The following GRIN2A variants were observed in gnomAD, a reference collection of about 807,000 sequenced individuals.
The protein encoded by GRIN2A is glutamate receptor ionotropic, NMDA 2A.
Under a neutral mutation model 113.4 loss-of-function variants are expected in GRIN2A, and 22 were observed. The observed-to-expected ratio is 0.19, with a 90% confidence interval of 0.14 to 0.28. The LOEUF (loss-of-function observed/expected upper bound fraction) is 0.28. GRIN2A is among the 10% of genes least tolerant of loss of function. GRIN2A has a pLI of 1.00. For synonymous variants in GRIN2A, 827 were observed against 738.4 expected (o/e 1.12, Z -1.94); for missense variants, 1,502 against 1,887.0 (o/e 0.80, Z 3.78).
intron 2 of GRIN2A, among the ~76,000 whole-genome samples, chr16:10,174,147 A>G (rs1406358582): frequency 6.6e-6 from 1 of 152,210 alleles, no homozygotes; most frequent in Non-Finnish European, 1.5e-5. Context: ...ATCCAGGGAA[A>G]AAGGGGAAGA....
chr16:9,790,718 T>C (rs1195233568), intron 11 of GRIN2A, among the ~76,000 whole-genome samples: 1 of 152,204 alleles, frequency 6.6e-6, no homozygotes, highest in Non-Finnish European at 1.5e-5. Context: ...AGGTATCTAG[T>C]GTCCTTTCTA....
At chr16:9,923,726 C>T (rs1300778741) in intron 3 of GRIN2A, among the ~76,000 whole-genome samples, 1 of 152,068 alleles carries the variant, frequency 6.6e-6, no homozygotes, top group African/African-American at 2.4e-5. Flanking sequence ...AATCTTTGTG[C>T]TATTGTTGTC....
chr16:10,013,215 T>C (rs766656088), intron 2 of GRIN2A, among the ~76,000 whole-genome samples: 4 of 152,212 alleles, frequency 2.6e-5, no homozygotes, highest in Non-Finnish European at 4.4e-5. Context: ...TGAATACTCA[T>C]TGGATTTTTA....
At chr16:9,825,206 G>A (rs139675496) in intron 9 of GRIN2A, among the ~76,000 whole-genome samples, 3 of 152,276 alleles carry the variant, frequency 2.0e-5, no homozygotes, top group South Asian at 2.1e-4. Flanking sequence ...TAGAAACTGC[G>A]CCATTTGGAG....
chr16:10,092,671 C>T (rs927346534), intron 2 of GRIN2A, among the ~76,000 whole-genome samples: 4 of 152,076 alleles, frequency 2.6e-5, no homozygotes, highest in African/African-American at 9.7e-5. Context: ...TCCCTTTTAA[C>T]AAATAAGTAA....
At chr16:10,086,987 G>A (rs2048097860) in intron 2 of GRIN2A, among the ~76,000 whole-genome samples, 1 of 152,180 alleles carries the variant, frequency 6.6e-6, no homozygotes, top group South Asian at 2.1e-4. Flanking sequence ...TAAGAAAACT[G>A]GTGTGTGTGG....
intron 2 of GRIN2A, among the ~76,000 whole-genome samples, chr16:10,040,461 A>G (rs1364096055): frequency 6.7e-6 from 1 of 149,606 alleles, no homozygotes; most frequent in Non-Finnish European, 1.5e-5. Context: ...ATATAAATCC[A>G]CGCCACACAC....
chr16:10,168,944 G>A (rs185827955), intron 2 of GRIN2A, among the ~76,000 whole-genome samples: 422 of 150,092 alleles, frequency 2.8e-3, no homozygotes, highest in African/African-American at 7.9e-3. Flanking sequence ...CAGCCTGGGC[G>A]ACAAGAGCAA....
chr16:9,928,269 T>C (rs991416618), intron 3 of GRIN2A, among the ~76,000 whole-genome samples: 1 of 152,222 alleles, frequency 6.6e-6, no homozygotes, highest in Non-Finnish European at 1.5e-5. Context: ...AGGCCCGTTC[T>C]GCCTCTCTTG....
At chr16:10,120,023 G>A (rs2048804869) in intron 2 of GRIN2A, among the ~76,000 whole-genome samples, 1 of 152,122 alleles carries the variant, frequency 6.6e-6, no homozygotes, top group Non-Finnish European at 1.5e-5. Flanking sequence ...TTGCTATTGT[G>A]AATAGGGCTG....
At chr16:9,906,184 T>C (rs951584702) in intron 3 of GRIN2A, among the ~76,000 whole-genome samples, 1 of 152,226 alleles carries the variant, frequency 6.6e-6, no homozygotes, top group Non-Finnish European at 1.5e-5. Flanking sequence ...GTTCTGATCA[T>C]GTGCCACCCT....
At chr16:9,817,066 A>G (rs1461385070) in intron 10 of GRIN2A, among the ~76,000 whole-genome samples, 5 of 152,200 alleles carry the variant, frequency 3.3e-5, no homozygotes, top group Admixed American at 6.5e-5. Flanking sequence ...ATGAATTTCA[A>G]TAAACAGTAA....
intron 2 of GRIN2A, among the ~76,000 whole-genome samples, chr16:9,955,302 A>G (rs1016435444): frequency 9.2e-5 from 14 of 152,182 alleles, no homozygotes; most frequent in African/African-American, 3.4e-4. Flanking sequence ...CCTTGTGTCC[A>G]CCACAGAGAC....
intron 2 of GRIN2A, among the ~76,000 whole-genome samples, chr16:9,955,275 C>T (rs145271437): frequency 6.6e-6 from 1 of 152,306 alleles, no homozygotes; most frequent in East Asian, 1.9e-4. Context: ...TCTCTGGATG[C>T]AATGACCTCT....
intron 2 of GRIN2A, among the ~76,000 whole-genome samples, chr16:10,054,128 A>G (rs2047406271): frequency 6.6e-6 from 1 of 152,188 alleles, no homozygotes; most frequent in African/African-American, 2.4e-5. Context: ...AAAGGAAAAT[A>G]TCCTACGTGG....
intron 2 of GRIN2A, among the ~76,000 whole-genome samples, chr16:9,946,403 A>C (rs2045018951): frequency 6.6e-6 from 1 of 152,188 alleles, no homozygotes; most frequent in Non-Finnish European, 1.5e-5. Context: ...TGATAAACTT[A>C]AGCACAAGGA....
intron 3 of GRIN2A, among the ~76,000 whole-genome samples, chr16:9,934,469 T>G (rs2044665176): frequency 6.6e-6 from 1 of 151,830 alleles, no homozygotes; most frequent in Non-Finnish European, 1.5e-5. Flanking sequence ...TCACCTGAGG[T>G]CACCAGTTTG....
intron 2 of GRIN2A, among the ~76,000 whole-genome samples, chr16:10,117,909 T>A (rs1276752961): frequency 6.6e-6 from 1 of 152,216 alleles, no homozygotes; most frequent in African/African-American, 2.4e-5. Context: ...TGCCCCTTTA[T>A]CCCTGTGGAC....
intron 5 of GRIN2A, among the ~76,000 whole-genome samples, chr16:9,844,253 G>A (rs909548842): frequency 3.9e-5 from 6 of 152,154 alleles, no homozygotes; most frequent in Non-Finnish European, 7.3e-5. Context: ...CCCTGAACAT[G>A]AGGTATATTT....
Sources: gnomAD v4.1 joint callset for allele counts (sites outside exome capture counted in the v4.1 genomes callset) on GRCh38, gnomAD v4.1.1 for gene constraint, MANE v1.5 for transcripts, NCBI Gene and HGNC (gene_info 2026-07-23, HGNC 2026-07-21) for gene names.